The following TASP1 variants were observed in gnomAD, a reference collection of about 807,000 sequenced individuals.
The protein encoded by TASP1 is taspase 1, also known as threonine aspartase 1.
TASP1 carries 16 observed loss-of-function variants against 56.6 expected under a neutral mutation model. That is an observed-to-expected ratio of 0.28 (90% CI 0.19 to 0.43). The LOEUF (loss-of-function observed/expected upper bound fraction) is 0.43. Ranked by LOEUF, TASP1 falls within the 20% of genes least tolerant of loss-of-function variation. The pLI, the probability that TASP1 is intolerant of heterozygous loss-of-function variation, is 1.00. For missense variants in TASP1, 393 were observed against 511.6 expected (o/e 0.77, Z 2.24); for synonymous variants, 179 against 184.2 (o/e 0.97, Z 0.23).
chr20:13,137,906 C>A, the TASP1 span, among the ~76,000 whole-genome samples: 1 of 152,160 alleles, frequency 6.6e-6, no homozygotes, highest in African/African-American at 2.4e-5. Context: ...TCCCCCTGAG[C>A]TTTCTGCTAC....
At chr20:13,510,008 A>G (rs1302451526) in intron 10 of TASP1, among the ~76,000 whole-genome samples, 2 of 152,170 alleles carry the variant, frequency 1.3e-5, no homozygotes, top group Admixed American at 6.5e-5. Context: ...CTGGGTGATG[A>G]AATAATCTGT....
downstream of TASP1, among the ~76,000 whole-genome samples, chr20:13,387,183 C>CTTTTTTTTTTTTTT (rs1568732036): frequency 1.1e-5 from 1 of 94,950 alleles, no homozygotes; most frequent in African/African-American, 5.1e-5. Context: ...GACATGATTT[C>CTTTTTTTTTTTTTT]ATTTTTTTTT....
intron 5 of TASP1, among the ~76,000 whole-genome samples, chr20:13,584,473 G>A (rs2047233049): frequency 6.6e-6 from 1 of 151,988 alleles, no homozygotes; most frequent in Non-Finnish European, 1.5e-5. Flanking sequence ...TCAAACACAC[G>A]AAATTTTATT....
At chr20:13,422,795 A>G (rs1183088749) in intron 12 of TASP1, among the ~76,000 whole-genome samples, 1 of 152,228 alleles carries the variant, frequency 6.6e-6, no homozygotes, top group Non-Finnish European at 1.5e-5. Context: ...GCAGAACATC[A>G]TCTTGTTTAC....
chr20:13,105,624 T>G, the TASP1 span, among the ~76,000 whole-genome samples: 1 of 152,206 alleles, frequency 6.6e-6, no homozygotes, highest in Non-Finnish European at 1.5e-5. Flanking sequence ...TTTACATATT[T>G]TTTCCAAATC....
intron 7 of TASP1, among the ~76,000 whole-genome samples, chr20:13,562,906 CAT>C (rs201705112): frequency 2.7e-4 from 32 of 119,734 alleles, no homozygotes; most frequent in South Asian, 1.9e-3. Flanking sequence ...TCTCTATATA[CAT>C]ATATATATGT....
At chr20:13,629,817 A>G (rs35023928) in intron 2 of TASP1, 117 bp downstream of exon 2, 71,873 of 1,480,794 alleles carry the variant, frequency 0.049, 2,070 homozygotes, top group Non-Finnish European at 0.057. Flanking sequence ...TTTGCTTCCA[A>G]TTCCTCTCTG....
At chr20:13,335,830 G>C in the TASP1 span, among the ~76,000 whole-genome samples, 3 of 152,112 alleles carry the variant, frequency 2.0e-5, no homozygotes, top group African/African-American at 7.2e-5. Flanking sequence ...AAACAAATTA[G>C]AGGATCAATC....
the TASP1 span, among the ~76,000 whole-genome samples, chr20:13,291,229 C>T: frequency 1.3e-5 from 2 of 152,152 alleles, no homozygotes; most frequent in East Asian, 3.9e-4. Context: ...GTGTCCTCAC[C>T]CTCCTTGCAT....
intron 1 of TASP1, among the ~76,000 whole-genome samples, chr20:13,637,510 G>T (rs776754087): frequency 6.6e-6 from 1 of 152,164 alleles, no homozygotes; most frequent in Non-Finnish European, 1.5e-5. Flanking sequence ...ACCGATGATG[G>T]TTAAGCAAAA....
the TASP1 span, among the ~76,000 whole-genome samples, chr20:13,364,659 G>T: frequency 6.6e-6 from 1 of 152,036 alleles, no homozygotes; most frequent in East Asian, 1.9e-4. Flanking sequence ...GGTCAACTTG[G>T]TATCTCCCCA....
At chr20:13,365,895 AGAT>A in the TASP1 span, among the ~76,000 whole-genome samples, 275 of 152,338 alleles carry the variant, frequency 1.8e-3, 1 homozygote, top group African/African-American at 6.5e-3. Flanking sequence ...AGAAGGCAGA[AGAT>A]GAGACAACAC....
chr20:13,364,568 T>C, the TASP1 span, among the ~76,000 whole-genome samples: 2 of 152,150 alleles, frequency 1.3e-5, no homozygotes, highest in East Asian at 1.9e-4. Context: ...ACCTGATATA[T>C]AGCAGCCTGC....
chr20:13,605,905 T>C (rs1035106600), intron 4 of TASP1, among the ~76,000 whole-genome samples: 2 of 152,136 alleles, frequency 1.3e-5, no homozygotes, highest in Non-Finnish European at 2.9e-5. Context: ...ATTTTCAACA[T>C]TTACAAGGCC....
chr20:13,251,824 T>C, the TASP1 span, among the ~76,000 whole-genome samples: 1 of 152,042 alleles, frequency 6.6e-6, no homozygotes, highest in Non-Finnish European at 1.5e-5. Context: ...CTGGGGAGGG[T>C]GAGCACTTAG....
At chr20:13,278,019 A>G in the TASP1 span, among the ~76,000 whole-genome samples, 5 of 152,190 alleles carry the variant, frequency 3.3e-5, no homozygotes, top group African/African-American at 1.2e-4. Flanking sequence ...CAGCAACTCT[A>G]TCAGATGTCA....
chr20:13,155,081 C>T, the TASP1 span, among the ~76,000 whole-genome samples: 1 of 151,120 alleles, frequency 6.6e-6, no homozygotes, highest in African/African-American at 2.4e-5. Flanking sequence ...CTAGGGAGGC[C>T]GAGGCAGGAG....
chr20:13,208,488 C>T, the TASP1 span, among the ~76,000 whole-genome samples: 41 of 152,312 alleles, frequency 2.7e-4, no homozygotes, highest in East Asian at 7.1e-3. Context: ...CCACACTTCC[C>T]TACTCTTCCC....
the TASP1 span, among the ~76,000 whole-genome samples, chr20:13,198,445 T>G: frequency 1.1e-4 from 16 of 152,260 alleles, no homozygotes; most frequent in South Asian, 3.3e-3. Context: ...GGGCTCCATC[T>G]TCATGACCTA....
Sources: gnomAD v4.1 joint callset for allele counts (sites outside exome capture counted in the v4.1 genomes callset) on GRCh38, gnomAD v4.1.1 for gene constraint, MANE v1.5 for transcripts, NCBI Gene and HGNC (gene_info 2026-07-23, HGNC 2026-07-21) for gene names.